The following USP25 variants were observed in gnomAD, a reference collection of about 807,000 sequenced individuals.
USP25 encodes the protein ubiquitin specific peptidase 25, also known as ubiquitin carboxyl-terminal hydrolase 25.
Under a neutral mutation model 158.5 loss-of-function variants are expected in USP25, and 85 were observed. The ratio of observed to expected loss-of-function variants is 0.54; its 90% CI spans 0.45 to 0.64. USP25 has a LOEUF of 0.64. Among genes scored for constraint, USP25 ranks in the 30% least tolerant of loss-of-function variants. The pLI, the probability that USP25 is intolerant of heterozygous loss-of-function variation, is 0.00. For synonymous variants in USP25, 464 were observed against 460.4 expected, an observed-to-expected ratio of 1.01 and a Z score of -0.10; for missense variants, 1,242 against 1,327.3, an observed-to-expected ratio of 0.94 and a Z score of 1.00.
intron 1 of USP25, among the ~76,000 whole-genome samples, chr21:15,735,912 C>G (rs2031448604): frequency 6.6e-6 from 1 of 150,878 alleles, no homozygotes; most frequent in Non-Finnish European, 1.5e-5. Flanking sequence ...CTAGAAAATT[C>G]TAAATTTCAT....
intron 22 of USP25, among the ~76,000 whole-genome samples, chr21:15,869,287 G>A (rs1044984206): frequency 4.7e-5 from 7 of 148,106 alleles, no homozygotes; most frequent in Non-Finnish European, 9.0e-5. Context: ...GGAGAATATC[G>A]TTGGCTAATA....
At chr21:15,792,857 A>G (rs1446040526) in intron 5 of USP25, among the ~76,000 whole-genome samples, 2 of 151,610 alleles carry the variant, frequency 1.3e-5, no homozygotes, top group Non-Finnish European at 3.0e-5. Context: ...TTCCCAGGAC[A>G]TGAAGATGCT....
At chr21:15,760,890 A>G (rs2033683294) in intron 1 of USP25, among the ~76,000 whole-genome samples, 1 of 152,238 alleles carries the variant, frequency 6.6e-6, no homozygotes, top group Non-Finnish European at 1.5e-5. Context: ...TCAAGAATTT[A>G]ATATTAATGA....
chr21:15,787,898 C>T (rs1334855314), intron 4 of USP25, among the ~76,000 whole-genome samples: 1 of 127,164 alleles, frequency 7.9e-6, no homozygotes, highest in Non-Finnish European at 1.6e-5. Context: ...AATAACACCC[C>T]CTCACCCCCC....
intron 23 of USP25, among the ~76,000 whole-genome samples, chr21:15,872,462 ATCT>A (rs941828993): frequency 6.6e-6 from 1 of 152,226 alleles, no homozygotes; most frequent in African/African-American, 2.4e-5. Context: ...TTCAGGAGAG[ATCT>A]TCTTAACAGG....
In USP25 at chr21:15,818,782, C is replaced by A; in HGVS notation, c.1016C>A (p.Ala339Asp). The A allele has an allele frequency of 1.2e-6, 2 of 1,613,890 alleles. No homozygotes were observed. The highest frequency in any genetic ancestry group is 1.7e-6 in the Non-Finnish European group (2 of 1,179,840). The change falls in exon 10 of 26, where the codon GCT (alanine) becomes GAT (aspartate). Residue 339 changes from alanine (A) to aspartate (D), a missense_variant. This residue lies in a region of USP25 where 627 missense variants were observed against 701.4 expected (regional missense o/e 0.89). Transcript: ENST00000400183. ...AAAGATCTGCATGAGTGCCTAGAAGCTGCAATGATTGAAGGAGAAATTGAG... is the reference window on the plus strand; with the variant it reads ...AAAGATCTGCATGAGTGCCTAGAAGATGCAATGATTGAAGGAGAAATTGAG... Reference protein sequence around the residue: ...GFKDLHECLEAAMIEGEIESL... With the variant: ...GFKDLHECLEDAMIEGEIESL...
At chr21:15,817,044 A>T (rs1451699534) in intron 9 of USP25, among the ~76,000 whole-genome samples, 1 of 152,054 alleles carries the variant, frequency 6.6e-6, no homozygotes, top group Non-Finnish European at 1.5e-5. Context: ...AGGCAAGAGA[A>T]TTGCTGGAAC....
chr21:15,731,331 A>C (rs2030875556), intron 1 of USP25, among the ~76,000 whole-genome samples: 1 of 152,120 alleles, frequency 6.6e-6, no homozygotes, highest in East Asian at 1.9e-4. Flanking sequence ...CATTTTGGGC[A>C]AAAGAGTAAA....
chr21:15,787,726 G>A (rs970312420), intron 4 of USP25, among the ~76,000 whole-genome samples: 8 of 151,144 alleles, frequency 5.3e-5, no homozygotes, highest in South Asian at 2.1e-4. Context: ...ATTACCCGCC[G>A]CCCCCTTTTT....
Position 15,877,844 on chromosome 21 carries a change from G to A in USP25, c.3058G>A (p.Glu1020Lys), listed in dbSNP as rs1350752385. The A allele has an allele frequency of 2.5e-5, 41 of 1,613,010 alleles. No homozygotes were observed. The highest frequency in any genetic ancestry group is 3.2e-5 in the Non-Finnish European group (38 of 1,179,452). ...ACTCTTCGAATCTGGAGAGGATCGA[G>A]AAGTAAACAATGGTTTGATTATCAT... ...AELFESGEDR[E>K]VNNGLIIMNE... The change falls in exon 25 of 26, where the codon GAA becomes AAA. Residue 1020 changes from glutamate (E) to lysine (K), a missense_variant. Transcript: ENST00000400183.
chr21:15,794,759 A>G (rs183793162), intron 5 of USP25, among the ~76,000 whole-genome samples: 2 of 151,632 alleles, frequency 1.3e-5, no homozygotes, highest in East Asian at 3.9e-4. Context: ...CTGCAGGTTG[A>G]CTAAAATACA....
intron 1 of USP25, among the ~76,000 whole-genome samples, chr21:15,738,896 C>T (rs2031774749): frequency 6.6e-6 from 1 of 152,134 alleles, no homozygotes; most frequent in South Asian, 2.1e-4. Flanking sequence ...CTGTTTTGTT[C>T]AGATCTAATT....
intron 6 of USP25, among the ~76,000 whole-genome samples, chr21:15,803,477 A>G (rs1302730632): frequency 2.0e-5 from 3 of 151,818 alleles, no homozygotes; most frequent in African/African-American, 4.8e-5. Flanking sequence ...ATACTTCACC[A>G]TATCAACAGA....
chr21:15,750,733 A>G (rs865843988), intron 1 of USP25, among the ~76,000 whole-genome samples: 4 of 151,238 alleles, frequency 2.6e-5, no homozygotes, highest in South Asian at 2.1e-4. Flanking sequence ...CAGCCTCCCC[A>G]GTAGCTGGGA....
chr21:15,758,684 T>C (rs2033544141), intron 1 of USP25, among the ~76,000 whole-genome samples: 1 of 152,126 alleles, frequency 6.6e-6, no homozygotes, highest in Non-Finnish European at 1.5e-5. Flanking sequence ...TTTAATAGAC[T>C]CACAGTTCCA....
Position 15,821,180 on chromosome 21 carries a change from A to G in USP25, c.1080+2334A>G, listed in dbSNP as rs79552840. Among the ~76,000 whole-genome samples the G allele has an allele frequency of 8.7e-3, 1,319 of 151,992 alleles. 13 individuals carry two copies. The highest frequency in any genetic ancestry group is 0.026 in the African/African-American group (1,083 of 41,540). ...TCTTTTAGACTATTGCTATGCACAT[A>G]TAAGTATTTGCATCTGTCCACACTG... On this transcript the variant is annotated intron_variant, in intron 10 of 25. Transcript: ENST00000400183.
intron 1 of USP25, among the ~76,000 whole-genome samples, chr21:15,761,017 C>T (rs908309489): frequency 2.0e-5 from 3 of 152,136 alleles, no homozygotes; most frequent in African/African-American, 7.2e-5. Context: ...CTTTAGTCTC[C>T]TTTAGGGTGG....
intron 10 of USP25, 45 bp from the exon 11 acceptor site, chr21:15,823,994 C>G: frequency 5.1e-6 from 8 of 1,576,454 alleles, no homozygotes; most frequent in Non-Finnish European, 6.1e-6. Context: ...GTGAAGAAAA[C>G]AAAGGTGGTA....
chr21:15,760,302 A>T (rs1469878731), intron 1 of USP25, among the ~76,000 whole-genome samples: 1 of 152,134 alleles, frequency 6.6e-6, no homozygotes, highest in Non-Finnish European at 1.5e-5. Flanking sequence ...TCTTTATCCT[A>T]CCTAGAACTT....
Sources: allele counts gnomAD v4.1 joint callset (sites outside exome capture counted in the v4.1 genomes callset), GRCh38; gene constraint gnomAD v4.1.1; regional missense constraint gnomAD v4.1.1; transcripts MANE v1.5; gene names NCBI Gene and HGNC (gene_info 2026-07-23, HGNC 2026-07-21).